Variants in CPVL observed in about 807,000 individuals in gnomAD.
The protein encoded by CPVL is probable serine carboxypeptidase CPVL.
CPVL carries 51 observed loss-of-function variants against 63.7 expected under a neutral mutation model. That is an observed-to-expected ratio of 0.80 (90% CI 0.64 to 1.01). The LOEUF (loss-of-function observed/expected upper bound fraction) is 1.01. Among genes scored for constraint, CPVL ranks in the 50% least tolerant of loss-of-function variants. CPVL has a pLI of 0.00. For synonymous variants in CPVL, 195 were observed against 206.0 expected, an observed-to-expected ratio of 0.95 and a Z score of 0.46; for missense variants, 530 against 573.1, an observed-to-expected ratio of 0.92 and a Z score of 0.77.
chr7:29,042,871 A>C (rs1789253621), intron 11 of CPVL, among the ~76,000 whole-genome samples: 1 of 152,204 alleles, frequency 6.6e-6, no homozygotes, highest in Non-Finnish European at 1.5e-5. Context: ...ACGGATATGG[A>C]CAGTGGACGG....
chr7:29,072,018 C>A lies in CPVL; in HGVS notation c.733-114G>T, dbSNP rs2074785. The A allele has an allele frequency of 0.18, 235,268 of 1,315,966 alleles. 23,493 individuals are homozygous for A. Among genetic ancestry groups the A allele is most frequent in the East Asian group, 0.37 (15,930 of 42,624 alleles). 81.5% of individuals were successfully genotyped at this position (1,315,966 alleles called of 1,614,324 possible). A position where few individuals can be genotyped will look rare whatever the true frequency, so the allele number is the denominator to read the frequency against. Reference sequence around the variant, plus strand: ...TAATTGTTAATATTGTGCTGGTTAGCCAAGTAGGATAATTACATGCACACA... The same window carrying A: ...TAATTGTTAATATTGTGCTGGTTAGACAAGTAGGATAATTACATGCACACA... On this transcript the variant is annotated intron_variant, in intron 8 of 12. Coordinates refer to ENST00000265394, the MANE Select transcript of CPVL (RefSeq NM_031311.5).
At chr7:29,080,760 A>T (rs1784634811) in intron 7 of CPVL, among the ~76,000 whole-genome samples, 1 of 152,214 alleles carries the variant, frequency 6.6e-6, no homozygotes. Flanking sequence ...ATTTCAATAA[A>T]GGTTGTCAGA....
At chr7:29,073,506 G>C (rs185445521) in intron 7 of CPVL, among the ~76,000 whole-genome samples, 1 of 152,144 alleles carries the variant, frequency 6.6e-6, no homozygotes, top group Admixed American at 6.5e-5. Context: ...CTCAACCCCT[G>C]CCACCCTCTC....
intron 2 of CPVL, among the ~76,000 whole-genome samples, chr7:29,114,685 C>T (rs1474726254): frequency 6.6e-6 from 1 of 152,028 alleles, no homozygotes; most frequent in African/African-American, 2.4e-5. Flanking sequence ...CTCATCTAGA[C>T]CACACAGTTC....
intron 4 of CPVL, 78 bp from the exon 5 acceptor site, chr7:29,095,220 A>C: frequency 1.7e-6 from 2 of 1,162,128 alleles, no homozygotes; most frequent in Non-Finnish European, 2.6e-6. Context: ...TCAGAAGCCC[A>C]ACACACCCCA....
At chr7:29,072,774 A>C (rs1302763385) in intron 7 of CPVL, among the ~76,000 whole-genome samples, 1 of 152,232 alleles carries the variant, frequency 6.6e-6, no homozygotes, top group Non-Finnish European at 1.5e-5. Context: ...CAAAGATTAG[A>C]GGGAAAAAAA....
intron 11 of CPVL, among the ~76,000 whole-genome samples, chr7:29,043,922 C>T (rs944733937): frequency 3.3e-5 from 5 of 151,876 alleles, no homozygotes; most frequent in Non-Finnish European, 5.9e-5. Flanking sequence ...CACTCTCACA[C>T]GAAAGAAGAG....
intron 5 of CPVL, among the ~76,000 whole-genome samples, chr7:29,176,180 C>T (rs573829752): frequency 6.7e-5 from 10 of 148,194 alleles, no homozygotes; most frequent in East Asian, 4.1e-4. Context: ...AGCAAGACTC[C>T]GTCTCAAGAA....
At chr7:29,151,010 C>T (rs245889), upstream of CPVL, among the ~76,000 whole-genome samples, 82,642 of 151,996 alleles carry the variant, frequency 0.54, 22,967 homozygotes, top group African/African-American at 0.66. Context: ...TTCTGCACCT[C>T]AGCTATAAGC....
At chr7:29,072,192 T>G (rs1783814510) in intron 8 of CPVL, 109 bp downstream of exon 8, 3 of 1,232,056 alleles carry the variant, frequency 2.4e-6, no homozygotes, top group Middle Eastern at 5.5e-4. Flanking sequence ...TAAAGTCAAC[T>G]GGTGTTTCCC....
intron 11 of CPVL, among the ~76,000 whole-genome samples, chr7:29,042,917 G>A (rs566237969): frequency 2.6e-5 from 4 of 152,310 alleles, no homozygotes; most frequent in African/African-American, 4.8e-5. Context: ...AGAGCATTCC[G>A]CAAAGTGCAG....
upstream of CPVL, chr7:29,146,681 G>T (rs954216404): frequency 6.4e-7 from 1 of 1,550,578 alleles, no homozygotes; most frequent in Non-Finnish European, 8.7e-7. Context: ...CATGCTGGAA[G>T]AAGCAAGCAG....
At chr7:29,150,248 A>T (rs1793403900), upstream of CPVL, among the ~76,000 whole-genome samples, 2 of 152,212 alleles carry the variant, frequency 1.3e-5, no homozygotes, top group Non-Finnish European at 2.9e-5. Flanking sequence ...ACTTAATCTC[A>T]GTTTTCTCAT....
chr7:29,149,232 G>A (rs564598164), upstream of CPVL, among the ~76,000 whole-genome samples: 59 of 117,178 alleles, frequency 5.0e-4, no homozygotes, highest in Non-Finnish European at 7.3e-4. Context: ...TTACTGTGCC[G>A]CCCAGGCTGG....
chr7:29,052,685 G>T (rs1004238655), intron 11 of CPVL, among the ~76,000 whole-genome samples: 15 of 152,178 alleles, frequency 9.9e-5, no homozygotes, highest in Non-Finnish European at 1.9e-4. Flanking sequence ...CGAGGCGGGC[G>T]GATCATGAGG....
intron 11 of CPVL, among the ~76,000 whole-genome samples, chr7:29,040,271 A>T (rs1036544028): frequency 1.3e-5 from 2 of 152,206 alleles, no homozygotes; most frequent in Non-Finnish European, 2.9e-5. Context: ...CTAAGCAGAA[A>T]AGAATTAATT....
intron 11 of CPVL, among the ~76,000 whole-genome samples, chr7:29,055,230 AC>A (rs1202676134): frequency 2.0e-5 from 3 of 151,886 alleles, no homozygotes; most frequent in Non-Finnish European, 2.9e-5. Flanking sequence ...GACTGTAAAC[AC>A]CTCTATTTTC....
At chr7:29,157,292 A>G (rs1030526789) in intron 5 of CPVL, among the ~76,000 whole-genome samples, 1 of 151,764 alleles carries the variant, frequency 6.6e-6, no homozygotes, top group African/African-American at 2.4e-5. Context: ...ACCTGTCAGT[A>G]CTGCATCTTT....
At chr7:29,086,792 T>C (rs1034588500) in intron 6 of CPVL, among the ~76,000 whole-genome samples, 1 of 152,214 alleles carries the variant, frequency 6.6e-6, no homozygotes, top group Non-Finnish European at 1.5e-5. Flanking sequence ...ATTACTGATA[T>C]ACCAGTTTGG....
Sources: allele counts gnomAD v4.1 joint callset (sites outside exome capture counted in the v4.1 genomes callset), GRCh38; gene constraint gnomAD v4.1.1; transcripts MANE v1.5; gene names NCBI Gene and HGNC (gene_info 2026-07-23, HGNC 2026-07-21).